Variants in CHD7 observed in about 807,000 individuals in gnomAD.
CHD7 encodes the protein ATP-dependent chromatin remodeler CHD7.
A neutral mutation model predicts 307.3 loss-of-function variants in CHD7; 24 were observed. The observed-to-expected ratio is 0.08, with a 90% confidence interval of 0.06 to 0.11. The LOEUF is 0.11. Ranked by LOEUF, CHD7 falls within the 10% of genes least tolerant of loss-of-function variation. CHD7 has a pLI of 1.00. For synonymous variants in CHD7, 1,363 were observed against 1,349.9 expected (o/e 1.01, Z -0.21); for missense variants, 3,106 against 3,727.1 (o/e 0.83, Z 4.34).
chr8:60,696,852 T>A (rs971656928), intron 1 of CHD7, among the ~76,000 whole-genome samples: 2 of 152,022 alleles, frequency 1.3e-5, no homozygotes, highest in Non-Finnish European at 2.9e-5. Flanking sequence ...TGTTTTTTTT[T>A]TTTCTTTTCT....
In CHD7 at chr8:60,852,897, A is replaced by G. The variant is rs1229131453; in HGVS notation, c.6172A>G (p.Ile2058Val). The G allele has an allele frequency of 1.2e-6, 2 of 1,613,856 alleles. No homozygotes were observed. Among genetic ancestry groups the G allele is most frequent in the Non-Finnish European group, 8.5e-7 (1 of 1,179,902 alleles). ...EERASRTLYR[I>V]ELLRKIREQV... The stretch of plus-strand genomic sequence containing the variant: ...GCGAGCCTCTCGAACTCTGTACCGC[A>G]TTGAGCTGCTACGGAAGATCCGCGA... Residue 2058 changes from isoleucine to valine, a missense_variant, in exon 31 of 38, where the codon ATT becomes GTT. This residue lies in a region of CHD7 where 1,030 missense variants were observed against 1,165.4 expected (regional missense o/e 0.88). Coordinates refer to ENST00000423902, the MANE Select transcript of CHD7 (RefSeq NM_017780.4).
intron 1 of CHD7, among the ~76,000 whole-genome samples, chr8:60,697,833 C>T (rs1301625628): frequency 6.6e-6 from 1 of 152,230 alleles, no homozygotes; most frequent in Non-Finnish European, 1.5e-5. Flanking sequence ...ACTTTAATCA[C>T]ACGTGGTGCC....
intron 23 of CHD7, among the ~76,000 whole-genome samples, chr8:60,847,461 G>C (rs1805263582): frequency 6.6e-6 from 1 of 152,142 alleles, no homozygotes; most frequent in African/African-American, 2.4e-5. Context: ...TCATCATAGG[G>C]TTATCGTGAA....
chr8:60,862,409 T>G, intron 36 of CHD7, 73 bp downstream of exon 36: 1 of 1,523,210 alleles, frequency 6.6e-7, no homozygotes, highest in South Asian at 1.3e-5. Flanking sequence ...TCCTGCCTTC[T>G]TCTATAGGGG....
intron 3 of CHD7, among the ~76,000 whole-genome samples, chr8:60,781,877 C>T (rs1379845848): frequency 2.0e-5 from 3 of 152,148 alleles, no homozygotes; most frequent in African/African-American, 4.8e-5. Flanking sequence ...CTCCACTTGG[C>T]GGAGTAAGCC....
At chr8:60,778,814 T>C (rs901313441) in intron 2 of CHD7, among the ~76,000 whole-genome samples, 4 of 152,218 alleles carry the variant, frequency 2.6e-5, no homozygotes, top group African/African-American at 4.8e-5. Context: ...ACTCAACTTA[T>C]GCAAACTAAA....
At chr8:60,851,884 T>C (rs1805469753) in intron 28 of CHD7, 135 bp from the exon 29 acceptor site, 1 of 590,866 alleles carries the variant, frequency 1.7e-6, no homozygotes, top group Non-Finnish European at 3.0e-6. Flanking sequence ...TTATTTATAT[T>C]TTAAAAATGA....
intron 1 of CHD7, among the ~76,000 whole-genome samples, chr8:60,692,728 C>T (rs1806262108): frequency 6.6e-6 from 1 of 152,180 alleles, no homozygotes; most frequent in African/African-American, 2.4e-5. Flanking sequence ...TCAGGTTATC[C>T]TGGACCTTGG....
chr8:60,761,594 A>G, intron 2 of CHD7, among the ~76,000 whole-genome samples: 1 of 151,842 alleles, frequency 6.6e-6, no homozygotes, highest in South Asian at 2.1e-4. Context: ...TGGTGCGAAT[A>G]GAGTGGGGGC....
chr8:60,835,864 C>G (rs1804718848), intron 15 of CHD7, among the ~76,000 whole-genome samples: 5 of 152,290 alleles, frequency 3.3e-5, no homozygotes, highest in South Asian at 4.1e-4. Flanking sequence ...CTGAATGCCT[C>G]AATGTGTTGT....
chr8:60,687,193 G>A (rs969342696), intron 1 of CHD7, among the ~76,000 whole-genome samples: 1 of 152,222 alleles, frequency 6.6e-6, no homozygotes, highest in Admixed American at 6.5e-5. Context: ...ATACTAAGCA[G>A]TCATAGTGAG....
At chr8:60,850,972 C>T (rs944477558) in intron 26 of CHD7, 60 bp from the exon 27 acceptor site, 4 of 1,201,314 alleles carry the variant, frequency 3.3e-6, no homozygotes, top group East Asian at 2.5e-5. Flanking sequence ...CCTACCCACC[C>T]CCCTTCCTTC....
At chr8:60,706,254 G>A (rs969303336) in intron 1 of CHD7, among the ~76,000 whole-genome samples, 5 of 152,158 alleles carry the variant, frequency 3.3e-5, no homozygotes, top group Admixed American at 2.6e-4. Flanking sequence ...TTGAATTTGG[G>A]TTAGGTAGTT....
rs370321135 is a variant in CHD7, at chr8:60,845,029, G to A, written c.5016G>A (p.Ala1672=). ...SFIWDLITPT[A]DGQTRALVNH... is the part of the protein sequence containing the mutation. Reference sequence around the variant, plus strand: ...TCTGGGATCTGATCACACCCACAGCGGATGGCCAGACTCGAGCCTTGGTCA... The same window carrying A: ...TCTGGGATCTGATCACACCCACAGCAGATGGCCAGACTCGAGCCTTGGTCA... Residue 1672 remains alanine (A), a synonymous_variant, in exon 22 of 38, where the codon GCG becomes GCA. Transcript: ENST00000423902. 29 of 1,613,950 alleles carry A rather than the reference G, an allele frequency of 1.8e-5. No homozygotes were observed. Among genetic ancestry groups the A allele is most frequent in the Admixed American group, 3.3e-5 (2 of 60,012 alleles).
intron 2 of CHD7, among the ~76,000 whole-genome samples, chr8:60,752,505 G>A (rs1453267211): frequency 6.6e-6 from 1 of 152,172 alleles, no homozygotes; most frequent in Non-Finnish European, 1.5e-5. Flanking sequence ...AGGTTGCAGG[G>A]TGCATATCCT....
intron 4 of CHD7, among the ~76,000 whole-genome samples, chr8:60,799,959 G>A (rs773928963): frequency 3.0e-4 from 46 of 151,970 alleles, no homozygotes; most frequent in African/African-American, 5.6e-4. Flanking sequence ...TATAGGATTA[G>A]CATTATCACC....
chr8:60,831,028 T>C (rs533706090), intron 15 of CHD7, among the ~76,000 whole-genome samples: 2 of 152,310 alleles, frequency 1.3e-5, no homozygotes, highest in African/African-American at 4.8e-5. Context: ...TCCAGAGTCA[T>C]CTAGCACCTC....
At position 60,851,093 on chromosome 8, in the gene CHD7, G is replaced by A; in HGVS notation, c.5596G>A (p.Asp1866Asn). 1 of 1,566,604 alleles carries A rather than the reference G, an allele frequency of 6.4e-7. No homozygotes were observed. Among genetic ancestry groups the A allele is most frequent in the Non-Finnish European group, 8.7e-7 (1 of 1,154,140 alleles). The change falls in exon 27 of 38, where the codon GAT (aspartate) becomes AAT (asparagine). Residue 1866 changes from aspartate (D) to asparagine (N), a missense_variant. Physicochemically the swap from Asp to Asn is conservative, Grantham distance 23. Coordinates refer to ENST00000423902, the MANE Select transcript of CHD7 (RefSeq NM_017780.4). ...EYKPTRTPFK[D>N]EIDEFANSPS... Reference sequence around the variant, plus strand: ...TAAACCAACCAGAACACCGTTCAAAGATGAAATAGATGTATGAACTTGAGT... The same window carrying A: ...TAAACCAACCAGAACACCGTTCAAAAATGAAATAGATGTATGAACTTGAGT...
chr8:60,707,943 A>G (rs1402610894), intron 1 of CHD7, among the ~76,000 whole-genome samples: 3 of 152,362 alleles, frequency 2.0e-5, no homozygotes, highest in South Asian at 4.1e-4. Context: ...CTGTCAAAGC[A>G]TTAAGACCTC....
Sources: gnomAD v4.1 joint callset for allele counts (sites outside exome capture counted in the v4.1 genomes callset) on GRCh38, gnomAD v4.1.1 for gene constraint, gnomAD v4.1.1 regional missense constraint, MANE v1.5 for transcripts, NCBI Gene and HGNC (gene_info 2026-07-23, HGNC 2026-07-21) for gene names.